ATRNL1: variants seen among roughly 807,000 people sequenced by gnomAD.
ATRNL1 encodes attractin like 1.
In ATRNL1, 95 loss-of-function variants were observed where a neutral mutation model predicts 182.7. The observed-to-expected ratio is 0.52, with a 90% CI of 0.44 to 0.62. The LOEUF (loss-of-function observed/expected upper bound fraction) is 0.62. ATRNL1 is among the 20% of genes least tolerant of loss of function. ATRNL1 has a pLI of 0.00. For missense variants in ATRNL1, 1,471 were observed against 1,679.5 expected (o/e 0.88, Z 2.17); for synonymous variants, 576 against 568.3 (o/e 1.01, Z -0.19).
At chr10:115,794,358 A>G (rs1949601055) in intron 27 of ATRNL1, among the ~76,000 whole-genome samples, 1 of 152,192 alleles carries the variant, frequency 6.6e-6, no homozygotes, top group Non-Finnish European at 1.5e-5. Flanking sequence ...CAATGTAGCC[A>G]TCAAAATGGA....
intron 28 of ATRNL1, among the ~76,000 whole-genome samples, chr10:115,865,609 T>C (rs1030613825): frequency 9.2e-5 from 14 of 152,208 alleles, no homozygotes; most frequent in African/African-American, 2.9e-4. Flanking sequence ...GTTCCCATTA[T>C]AGAAAAATAC....
chr10:115,819,149 A>G (rs1255459880), intron 27 of ATRNL1, among the ~76,000 whole-genome samples: 2 of 152,000 alleles, frequency 1.3e-5, no homozygotes, highest in African/African-American at 4.8e-5. Flanking sequence ...TTCAGATTTC[A>G]ACCACACTCC....
At chr10:115,649,052 G>A (rs1312584287) in intron 26 of ATRNL1, among the ~76,000 whole-genome samples, 1 of 152,124 alleles carries the variant, frequency 6.6e-6, no homozygotes, top group Non-Finnish European at 1.5e-5. Context: ...GTTAGATAAT[G>A]TGTTATAATC....
At chr10:115,290,659 C>A (rs575363668) in intron 15 of ATRNL1, among the ~76,000 whole-genome samples, 82 of 152,056 alleles carry the variant, frequency 5.4e-4, no homozygotes, top group African/African-American at 1.8e-3. Flanking sequence ...TGCAGCCCCC[C>A]ACCCCCGTCC....
intron 18 of ATRNL1, among the ~76,000 whole-genome samples, chr10:115,322,250 T>G (rs1854620203): frequency 1.3e-5 from 2 of 151,828 alleles, no homozygotes; most frequent in African/African-American, 4.8e-5. Flanking sequence ...AAATTATTAC[T>G]TTATATAATT....
rs782268905 is a variant in ATRNL1, at chr10:115,519,352, A to T, written c.3716+28A>T. The T allele has an allele frequency of 1.6e-5, 26 of 1,580,968 alleles. No individual in the cohort carries two copies. The South Asian group carries it at 2.7e-4, about 16-fold the overall frequency. ...AAAAGTTTGCTTTGACTGACTTTGAACTTTTCAAGCCTGTATTCTGATATA... is the reference window on the plus strand; with the variant it reads ...AAAAGTTTGCTTTGACTGACTTTGATCTTTTCAAGCCTGTATTCTGATATA... On this transcript the variant is annotated intron_variant, in intron 25 of 28. Coordinates refer to ENST00000355044, the MANE Select transcript of ATRNL1 (RefSeq NM_207303.4).
At chr10:115,127,547 C>T in intron 3 of ATRNL1, 46 bp from the exon 4 acceptor site, 2 of 1,483,488 alleles carry the variant, frequency 1.3e-6, no homozygotes, top group Non-Finnish European at 1.9e-6. Flanking sequence ...GCTTAACAGT[C>T]TTATGTATAT....
chr10:115,723,229 G>A (rs539520833), intron 26 of ATRNL1, among the ~76,000 whole-genome samples: 2 of 152,180 alleles, frequency 1.3e-5, no homozygotes, highest in African/African-American at 4.8e-5. Context: ...TTTGAAGGTG[G>A]AGGAGAGAAT....
chr10:115,412,646 A>G (rs1200745666), intron 20 of ATRNL1, among the ~76,000 whole-genome samples: 1 of 152,168 alleles, frequency 6.6e-6, no homozygotes, highest in Non-Finnish European at 1.5e-5. Flanking sequence ...TCAGACTAGG[A>G]AGGAGATTTC....
chr10:115,727,538 CA>C (rs1362909575), intron 27 of ATRNL1, among the ~76,000 whole-genome samples, 183 bp downstream of exon 27: 1 of 152,182 alleles, frequency 6.6e-6, no homozygotes, highest in East Asian at 1.9e-4. Flanking sequence ...GAGCTGTAAC[CA>C]AAGCCACTGG....
intron 28 of ATRNL1, among the ~76,000 whole-genome samples, chr10:115,870,339 G>A (rs1285217020): frequency 1.3e-5 from 2 of 152,222 alleles, no homozygotes; most frequent in East Asian, 3.8e-4. Flanking sequence ...CAGAAGCCTG[G>A]CAGAGGCCTA....
chr10:115,321,533 C>T (rs1304469222), intron 18 of ATRNL1, among the ~76,000 whole-genome samples: 1 of 151,956 alleles, frequency 6.6e-6, no homozygotes, highest in Admixed American at 6.6e-5. Flanking sequence ...TTTATACTTT[C>T]ATTTGTTTTT....
At chr10:115,661,960 G>A (rs1049983274) in intron 26 of ATRNL1, among the ~76,000 whole-genome samples, 9 of 128,910 alleles carry the variant, frequency 7.0e-5, no homozygotes, top group African/African-American at 2.1e-4. Context: ...CCCAGTGTGC[G>A]ATGTTCCCCT....
intron 19 of ATRNL1, 129 bp downstream of exon 19, chr10:115,334,548 AG>A (rs1855391787): frequency 4.0e-6 from 2 of 498,710 alleles, no homozygotes; most frequent in Non-Finnish European, 6.5e-6. Context: ...TGTTTTCTAA[AG>A]TAATACATAT....
chr10:115,220,155 G>T (rs909028850), intron 9 of ATRNL1, among the ~76,000 whole-genome samples: 1 of 152,148 alleles, frequency 6.6e-6, no homozygotes, highest in African/African-American at 2.4e-5. Context: ...TTGAACTGCA[G>T]TCTCTCCTAA....
intron 27 of ATRNL1, among the ~76,000 whole-genome samples, chr10:115,762,283 A>G (rs1026539258): frequency 3.4e-5 from 4 of 119,044 alleles, no homozygotes; most frequent in African/African-American, 1.0e-4. Flanking sequence ...CTCCTGGCTC[A>G]GACTGCACTG....
chr10:115,656,022 C>A (rs1860308996), intron 26 of ATRNL1, among the ~76,000 whole-genome samples: 1 of 152,130 alleles, frequency 6.6e-6, no homozygotes, highest in Admixed American at 6.5e-5. Context: ...TAACATAAAT[C>A]AGGATCCCAT....
At chr10:115,122,656 A>G (rs1844795781) in intron 3 of ATRNL1, among the ~76,000 whole-genome samples, 1 of 151,958 alleles carries the variant, frequency 6.6e-6, no homozygotes, top group African/African-American at 2.4e-5. Flanking sequence ...ATTTCATTCT[A>G]TTCTAATACA....
chr10:115,562,560 C>G (rs1203481653), intron 26 of ATRNL1, among the ~76,000 whole-genome samples: 2 of 152,114 alleles, frequency 1.3e-5, no homozygotes, highest in Non-Finnish European at 1.5e-5. Context: ...CCATAATTCC[C>G]CCATGTCATG....
Sources: allele counts gnomAD v4.1 joint callset (sites outside exome capture counted in the v4.1 genomes callset), GRCh38; gene constraint gnomAD v4.1.1; transcripts MANE v1.5; gene names NCBI Gene and HGNC (gene_info 2026-07-23, HGNC 2026-07-21).